ADAM23: variants seen among roughly 807,000 people sequenced by gnomAD.
ADAM23 encodes the protein ADAM metallopeptidase domain 23, also known as disintegrin and metalloproteinase domain-containing protein 23.
ADAM23 carries 33 observed loss-of-function variants against 120.1 expected under a neutral mutation model. That is an observed-to-expected ratio of 0.27 (90% CI 0.21 to 0.37). The LOEUF is 0.37. Among genes scored for constraint, ADAM23 ranks in the 10% least tolerant of loss-of-function variants. The probability of loss-of-function intolerance (pLI) is 1.00; values close to 1 mark genes in which losing one functional copy is unlikely to be tolerated. For synonymous variants in ADAM23, 367 were observed against 375.2 expected, an observed-to-expected ratio of 0.98 and a Z score of 0.25; for missense variants, 862 against 1,058.2, an observed-to-expected ratio of 0.81 and a Z score of 2.57.
chr2:206,484,534 C>G (rs1299910413), intron 3 of ADAM23, among the ~76,000 whole-genome samples: 1 of 151,992 alleles, frequency 6.6e-6, no homozygotes, highest in Non-Finnish European at 1.5e-5. Context: ...TGTGGTAGCA[C>G]AGAATAAGAA....
chr2:206,564,192 G>A lies in ADAM23; in HGVS notation c.1346-828G>A, dbSNP rs111562127. ...TGTATACCTCTCTCTATATATATACGTTGATATATATTGCTCTCTCTATCG... is the reference window on the plus strand; with the variant it reads ...TGTATACCTCTCTCTATATATATACATTGATATATATTGCTCTCTCTATCG... On this transcript the variant is annotated intron_variant, in intron 13 of 25. Coordinates refer to ENST00000264377, the MANE Select transcript of ADAM23 (RefSeq NM_003812.4). Among the ~76,000 whole-genome samples, 479 of 151,656 alleles carry A rather than the reference G, an allele frequency of 3.2e-3. 6 individuals carry two copies. Among genetic ancestry groups the A allele is most frequent in the African/African-American group, 0.011 (453 of 41,298 alleles).
intron 3 of ADAM23, among the ~76,000 whole-genome samples, chr2:206,488,619 G>T (rs762391585): frequency 4.6e-5 from 7 of 152,172 alleles, no homozygotes; most frequent in Non-Finnish European, 8.8e-5. Context: ...TAACTGCCAG[G>T]CTGTTGTTGG....
At chr2:206,585,799 T>G (rs1459682715) in intron 18 of ADAM23, among the ~76,000 whole-genome samples, 1 of 152,076 alleles carries the variant, frequency 6.6e-6, no homozygotes, top group Non-Finnish European at 1.5e-5. Context: ...GAATTGTCAG[T>G]TGGTGATAAG....
In ADAM23 at chr2:206,592,719, C is replaced by G; in HGVS notation, c.2061C>G (p.Gly687=). Residue 687 remains glycine (G), a synonymous_variant, in exon 22 of 26, where the codon GGC becomes GGG. Coordinates refer to ENST00000264377, the MANE Select transcript of ADAM23 (RefSeq NM_003812.4). ...EIIPTSFYHQ[G]RVIDCSGAHV... ...TTCCAACTTCCTTCTACCATCAAGGCCGGGTGATTGACTGCAGGTAACATA... is the reference window on the plus strand; with the variant it reads ...TTCCAACTTCCTTCTACCATCAAGGGCGGGTGATTGACTGCAGGTAACATA... 6.2e-7 allele frequency: 1 copy of G among 1,613,954 alleles called. No homozygotes were observed. Among genetic ancestry groups the G allele is most frequent in the Non-Finnish European group, 8.5e-7 (1 of 1,179,918 alleles).
At chr2:206,530,982 T>TA in intron 4 of ADAM23, 34 bp downstream of exon 4, 1 of 1,583,772 alleles carries the variant, frequency 6.3e-7, no homozygotes, top group Non-Finnish European at 8.7e-7. Flanking sequence ...TACTCTAGTA[T>TA]AAGTGTGCTT....
chr2:206,456,057 G>C lies in ADAM23; in HGVS notation c.432+10533G>C, dbSNP rs376016837. Reference sequence around the variant, plus strand: ...GTTCCACTCCTGGTACCAATTTTCTGTATTAGTTCGTTCTCACACTGCTAT... The same window carrying C: ...GTTCCACTCCTGGTACCAATTTTCTCTATTAGTTCGTTCTCACACTGCTAT... On this transcript the variant is annotated intron_variant, in intron 2 of 25. Coordinates refer to ENST00000264377, the MANE Select transcript of ADAM23 (RefSeq NM_003812.4). Among the ~76,000 whole-genome samples, 98 of 152,174 alleles carry C rather than the reference G, an allele frequency of 6.4e-4. 1 individual carries two copies. In the South Asian group the frequency reaches 0.018, roughly 28 times the overall value.
intron 18 of ADAM23, among the ~76,000 whole-genome samples, chr2:206,573,478 C>A (rs769088132): frequency 3.3e-5 from 5 of 152,104 alleles, no homozygotes; most frequent in Non-Finnish European, 4.4e-5. Context: ...CCATTGAACC[C>A]TCAGAAAGCA....
At chr2:206,595,572 C>G (rs1166676538) in intron 23 of ADAM23, among the ~76,000 whole-genome samples, 1 of 152,136 alleles carries the variant, frequency 6.6e-6, no homozygotes, top group African/African-American at 2.4e-5. Flanking sequence ...TCATACAAGG[C>G]ACTGGTGATT....
At chr2:206,489,318 T>C (rs992648081) in intron 3 of ADAM23, among the ~76,000 whole-genome samples, 10 of 152,192 alleles carry the variant, frequency 6.6e-5, no homozygotes, top group African/African-American at 2.4e-4. Context: ...TGCTCACTGC[T>C]GTCATTTCTC....
intron 20 of ADAM23, 58 bp downstream of exon 20, chr2:206,588,212 T>G: frequency 6.4e-7 from 1 of 1,564,474 alleles, no homozygotes; most frequent in Non-Finnish European, 8.8e-7. Context: ...AATAGTGTTC[T>G]TCTCTGCCAG....
At chr2:206,558,627 A>T (rs1264959714) in intron 10 of ADAM23, among the ~76,000 whole-genome samples, 2 of 152,204 alleles carry the variant, frequency 1.3e-5, no homozygotes, top group African/African-American at 4.8e-5. Flanking sequence ...CTCAGAGGAA[A>T]ACCACAAGTG....
chr2:206,463,815 A>G (rs1695478795), intron 2 of ADAM23, among the ~76,000 whole-genome samples: 1 of 152,244 alleles, frequency 6.6e-6, no homozygotes, highest in Non-Finnish European at 1.5e-5. Flanking sequence ...ACCCATGGAG[A>G]GACTGTATTA....
chr2:206,558,371 A>G (rs1697688875), intron 10 of ADAM23, among the ~76,000 whole-genome samples: 1 of 152,174 alleles, frequency 6.6e-6, no homozygotes, highest in Non-Finnish European at 1.5e-5. Flanking sequence ...AAGTTGCCAA[A>G]TATCTAAATG....
At chr2:206,533,084 CT>C (rs1697100367) in intron 4 of ADAM23, among the ~76,000 whole-genome samples, 1 of 152,034 alleles carries the variant, frequency 6.6e-6, no homozygotes, top group Non-Finnish European at 1.5e-5. Context: ...TTTTATGCTG[CT>C]TCAGAAAATC....
At chr2:206,477,010 A>G (rs959889518) in intron 2 of ADAM23, among the ~76,000 whole-genome samples, 1 of 152,164 alleles carries the variant, frequency 6.6e-6, no homozygotes, top group East Asian at 1.9e-4. Flanking sequence ...ATGATTAGAT[A>G]TAGAGTTATT....
At chr2:206,445,922 A>G (rs919768572) in intron 2 of ADAM23, among the ~76,000 whole-genome samples, 2 of 152,234 alleles carry the variant, frequency 1.3e-5, no homozygotes, top group Non-Finnish European at 2.9e-5. Flanking sequence ...CACATGCAAG[A>G]TTGCTTCAAG....
At chr2:206,608,532 C>T (rs1190686676) in intron 24 of ADAM23, among the ~76,000 whole-genome samples, 1 of 151,996 alleles carries the variant, frequency 6.6e-6, no homozygotes, top group Admixed American at 6.6e-5. Flanking sequence ...GTGCACAATA[C>T]GGTAGCTGTT....
chr2:206,461,150 C>T (rs1268231833), intron 2 of ADAM23, among the ~76,000 whole-genome samples: 2 of 151,070 alleles, frequency 1.3e-5, no homozygotes, highest in East Asian at 3.9e-4. Flanking sequence ...GCAACATCGC[C>T]TCCTCGGTTT....
intron 19 of ADAM23, 125 bp from the exon 20 acceptor site, chr2:206,587,966 A>T: frequency 1.1e-6 from 1 of 905,870 alleles, no homozygotes; most frequent in Non-Finnish European, 1.8e-6. Flanking sequence ...ACTGGTCACT[A>T]TAAAAATATT....
Sources: allele counts gnomAD v4.1 joint callset (sites outside exome capture counted in the v4.1 genomes callset), GRCh38; gene constraint gnomAD v4.1.1; transcripts MANE v1.5; gene names NCBI Gene and HGNC (gene_info 2026-07-23, HGNC 2026-07-21).